DUSP22: variants seen among roughly 807,000 people sequenced by gnomAD.
DUSP22 encodes dual specificity phosphatase 22, also known as dual specificity protein phosphatase 22.
Under a neutral mutation model 24.5 loss-of-function variants are expected in DUSP22, and 24 were observed. The observed-to-expected ratio is 0.98, with a 90% CI of 0.71 to 1.38. The LOEUF (loss-of-function observed/expected upper bound fraction) is 1.38. Ranked by LOEUF, DUSP22 falls within the 40% of genes most tolerant of loss-of-function variation. DUSP22 has a pLI of 0.00. For missense variants in DUSP22, 330 were observed against 269.2 expected (o/e 1.23, Z -1.58); for synonymous variants, 160 against 106.4 (o/e 1.50, Z -3.10).
chr6:305,999 CAA>C (rs1757800787), intron 2 of DUSP22, among the ~76,000 whole-genome samples: 1 of 152,302 alleles, frequency 6.6e-6, no homozygotes, highest in Non-Finnish European at 1.5e-5. Flanking sequence ...TATTAGGCCT[CAA>C]AGAGAATTGA....
At chr6:313,755 T>G (rs1758215206) in intron 3 of DUSP22, among the ~76,000 whole-genome samples, 1 of 152,304 alleles carries the variant, frequency 6.6e-6, no homozygotes, top group African/African-American at 2.4e-5. Context: ...GTATTGCCCC[T>G]CTTAGCATTT....
At chr6:319,659 C>A (rs891412602) in intron 3 of DUSP22, among the ~76,000 whole-genome samples, 6 of 152,304 alleles carry the variant, frequency 3.9e-5, no homozygotes, top group African/African-American at 1.4e-4. Flanking sequence ...AGCTATCTTA[C>A]CGAAAAACAC....
intron 1 of DUSP22, among the ~76,000 whole-genome samples, chr6:292,763 G>T (rs1395795542): frequency 6.6e-6 from 1 of 152,264 alleles, no homozygotes; most frequent in African/African-American, 2.4e-5. Flanking sequence ...CCGGCTTCCG[G>T]GTAGGCAGCC....
At chr6:348,404 G>T in intron 6 of DUSP22, 130 bp downstream of exon 6, 1 of 1,428,108 alleles carries the variant, frequency 7.0e-7, no homozygotes, top group Non-Finnish European at 9.5e-7. Context: ...GGCTCCCAGG[G>T]CGCCCAGCTG....
intron 2 of DUSP22, among the ~76,000 whole-genome samples, chr6:306,920 C>T (rs1049236272): frequency 8.5e-5 from 13 of 152,302 alleles, no homozygotes; most frequent in Non-Finnish European, 1.5e-4. Context: ...GCGGGGCTGA[C>T]CCAGACAATG....
intron 5 of DUSP22, among the ~76,000 whole-genome samples, chr6:347,720 A>C (rs1431574017): frequency 6.6e-6 from 1 of 152,304 alleles, no homozygotes; most frequent in South Asian, 2.1e-4. Flanking sequence ...AAACAAATGT[A>C]GGTTATAAAT....
Position 348,954 on chromosome 6 carries a change from C to G in DUSP22, c.*3C>G, listed in dbSNP as rs765689272. ...ATAATTATACGACGGAGACCTAACG[C>G]AAGCGACCTGCTGCCTTCCTTCCCA... On this transcript the variant is annotated 3_prime_UTR_variant, in exon 7 of 7. Coordinates refer to ENST00000419235, the MANE Select transcript of DUSP22 (RefSeq NM_001286555.3). 6.3e-7 allele frequency: 1 copy of G among 1,581,680 alleles called. No homozygotes were observed. The highest frequency in any genetic ancestry group is 8.6e-7 in the Non-Finnish European group (1 of 1,163,018).
chr6:327,894 T>A (rs570629497), intron 3 of DUSP22, among the ~76,000 whole-genome samples: 1 of 152,346 alleles, frequency 6.6e-6, no homozygotes, highest in African/African-American at 2.4e-5. Context: ...CGAGGGGTGG[T>A]AGGAGGGAGA....
At chr6:330,719 C>T (rs71548201) in intron 3 of DUSP22, among the ~76,000 whole-genome samples, 7,627 of 150,188 alleles carry the variant, frequency 0.051, 12 homozygotes, top group Middle Eastern at 0.15. Context: ...TTTGAAGAGC[C>T]GCTGGAAAAC....
intron 5 of DUSP22, 42 bp from the exon 6 acceptor site, chr6:348,061 T>A: frequency 6.2e-7 from 1 of 1,609,942 alleles, no homozygotes; most frequent in South Asian, 1.1e-5. Flanking sequence ...AACCCGGAGA[T>A]CTGAAACTGC....
At chr6:323,531 G>T (rs1355765354) in intron 3 of DUSP22, among the ~76,000 whole-genome samples, 1 of 152,304 alleles carries the variant, frequency 6.6e-6, no homozygotes, top group Non-Finnish European at 1.5e-5. Context: ...GTTTTTCCCC[G>T]GCTAGTGGGG....
At chr6:298,396 C>T (rs945464558) in intron 1 of DUSP22, among the ~76,000 whole-genome samples, 101 of 152,382 alleles carry the variant, frequency 6.6e-4, no homozygotes, top group African/African-American at 2.3e-3. Context: ...CCACCCCCAC[C>T]CCACACATGG....
rs946212310 is a variant in DUSP22, at chr6:349,205, G to T, written c.*254G>T. 1.5e-5 allele frequency: 21 copies of T among 1,402,876 alleles called. No homozygotes were observed. The highest frequency in any genetic ancestry group is 1.9e-5 in the Non-Finnish European group (20 of 1,080,064). 86.9% of individuals were successfully genotyped at this position (1,402,876 alleles called of 1,614,324 possible). On this transcript the variant is annotated 3_prime_UTR_variant, in exon 7 of 7. Transcript: ENST00000419235. ...AGTGGCTGTGCACTGCTCTGTGCAC[G>T]TGCGTGTGTGTGAGTGCACTTGTGT...
At chr6:332,810 G>C (rs1016511100) in intron 3 of DUSP22, among the ~76,000 whole-genome samples, 13 of 152,414 alleles carry the variant, frequency 8.5e-5, no homozygotes, top group Non-Finnish European at 1.2e-4. Flanking sequence ...GCACTAGAAG[G>C]GAAGGTGGGA....
chr6:297,677 A>G (rs1289765597), intron 1 of DUSP22, among the ~76,000 whole-genome samples: 1 of 152,310 alleles, frequency 6.6e-6, no homozygotes, highest in Non-Finnish European at 1.5e-5. Context: ...CCCAGTTGAG[A>G]ACCACTATTG....
chr6:328,976 T>C (rs956188728), intron 3 of DUSP22, among the ~76,000 whole-genome samples: 6 of 152,304 alleles, frequency 3.9e-5, no homozygotes. Context: ...ACATAATTTC[T>C]ACAAATGTTA....
At chr6:309,615 T>C (rs1336282197) in intron 2 of DUSP22, among the ~76,000 whole-genome samples, 3 of 152,284 alleles carry the variant, frequency 2.0e-5, no homozygotes, top group African/African-American at 7.2e-5. Flanking sequence ...AGCCCCAGGG[T>C]AGATCTTTCT....
intron 4 of DUSP22, among the ~76,000 whole-genome samples, chr6:337,807 A>C (rs1439521209): frequency 2.0e-5 from 3 of 152,306 alleles, no homozygotes; most frequent in Non-Finnish European, 4.4e-5. Flanking sequence ...TCCTATCCCA[A>C]ATATGTGAAG....
At chr6:309,666 G>A (rs1388536676) in intron 2 of DUSP22, among the ~76,000 whole-genome samples, 2 of 151,626 alleles carry the variant, frequency 1.3e-5, no homozygotes, top group Non-Finnish European at 2.9e-5. Flanking sequence ...AAACTTCAGA[G>A]CCACTCATGT....
Sources: allele counts gnomAD v4.1 joint callset (sites outside exome capture counted in the v4.1 genomes callset), GRCh38; gene constraint gnomAD v4.1.1; transcripts MANE v1.5; gene names NCBI Gene and HGNC (gene_info 2026-07-23, HGNC 2026-07-21).